FBN1: variants seen among roughly 807,000 people sequenced by gnomAD.
FBN1 encodes the protein fibrillin-1.
A neutral mutation model predicts 365.1 loss-of-function variants in FBN1; 29 were observed. The ratio of observed to expected loss-of-function variants is 0.08; its 90% CI spans 0.06 to 0.11. FBN1 has a LOEUF of 0.11. Ranked by LOEUF, FBN1 falls within the 10% of genes least tolerant of loss-of-function variation. The pLI, the probability that FBN1 is intolerant of heterozygous loss-of-function variation, is 1.00. For synonymous variants in FBN1, 1,210 were observed against 1,270.5 expected, an observed-to-expected ratio of 0.95 and a Z score of 1.01; for missense variants, 2,476 against 3,703.2, an observed-to-expected ratio of 0.67 and a Z score of 8.60.
intron 2 of FBN1, among the ~76,000 whole-genome samples, chr15:48,637,109 T>C (rs1362617120): frequency 6.6e-6 from 1 of 152,176 alleles, no homozygotes; most frequent in African/African-American, 2.4e-5. Context: ...TCAAGTACTG[T>C]CTGCATTAAC....
Position 48,515,377 on chromosome 15 carries a change from G to A in FBN1, c.1468+10C>T. ...AGACCCTTGGTGCCAACCTAGGATG[G>A]ATCACGTACCAATACACTCCCCACG... On this transcript the variant is annotated intron_variant, in intron 12 of 65. Transcript: ENST00000316623. 6.2e-7 allele frequency: 1 copy of A among 1,613,788 alleles called. No homozygotes were observed. Among genetic ancestry groups the A allele is most frequent in the Non-Finnish European group, 8.5e-7 (1 of 1,179,822 alleles).
chr15:48,425,696 A>C, intron 59 of FBN1, 43 bp downstream of exon 59: 1 of 1,606,094 alleles, frequency 6.2e-7, no homozygotes, highest in South Asian at 1.1e-5. Flanking sequence ...TCCATAATCT[A>C]AAATTTCCAC....
intron 19 of FBN1, among the ~76,000 whole-genome samples, chr15:48,496,627 A>G (rs1168930428): frequency 6.6e-6 from 1 of 152,206 alleles, no homozygotes; most frequent in Non-Finnish European, 1.5e-5. Context: ...ATATTTAGAA[A>G]GTATGGTCCA....
chr15:48,589,609 CTT>C (rs756647308), intron 6 of FBN1, among the ~76,000 whole-genome samples: 8 of 108,676 alleles, frequency 7.4e-5, no homozygotes, highest in Non-Finnish European at 1.1e-4. Flanking sequence ...TTGTTACTTT[CTT>C]TTTTTTTTTT....
At chr15:48,428,547 C>T (rs1269085679) in intron 56 of FBN1, 76 bp from the exon 57 acceptor site, 57 of 1,523,394 alleles carry the variant, frequency 3.7e-5, no homozygotes, top group Non-Finnish European at 4.8e-5. Flanking sequence ...CTCCTTCCTT[C>T]GTTCCTTCCT....
chr15:48,527,093 T>C (rs1597588008), intron 8 of FBN1, among the ~76,000 whole-genome samples: 2 of 152,208 alleles, frequency 1.3e-5, no homozygotes, highest in African/African-American at 4.8e-5. Flanking sequence ...AGGCTGTTGA[T>C]GGGCTGCACC....
chr15:48,499,037 C>T lies in FBN1; in HGVS notation c.2115G>A (p.Ala705=), dbSNP rs932764622. 23 of 1,613,970 alleles carry T rather than the reference C, an allele frequency of 1.4e-5. No individual in the cohort carries two copies. Among genetic ancestry groups the T allele is most frequent in the South Asian group, 3.3e-5 (3 of 91,086 alleles). ...PCQPCPAQNS[A]EYQALCSSGP... ...CACTGCTGCAGAGTGCCTGATATTC[C>T]GCTGCAATAAATTAACAGATAGTAA... Residue 705 remains alanine, a splice_region_variant and synonymous_variant, in exon 18 of 66, where the codon GCG becomes GCA. Transcript: ENST00000316623.
At chr15:48,560,064 C>T (rs535964356) in intron 6 of FBN1, among the ~76,000 whole-genome samples, 18 of 152,220 alleles carry the variant, frequency 1.2e-4, no homozygotes, top group East Asian at 5.8e-4. Context: ...CCACTAAAGG[C>T]GACTCAAATT....
chr15:48,482,733 G>A (rs187274719), intron 31 of FBN1, among the ~76,000 whole-genome samples: 127 of 152,298 alleles, frequency 8.3e-4, no homozygotes, highest in Non-Finnish European at 1.5e-3. Context: ...GTAGTGACCA[G>A]CACATTCATA....
intron 36 of FBN1, 110 bp downstream of exon 36, chr15:48,470,524 C>T (rs2043363287): frequency 6.9e-7 from 1 of 1,444,392 alleles, no homozygotes. Context: ...ATACTTCCCC[C>T]TTGCTTTTCT....
chr15:48,617,436 G>A (rs2140744390), intron 2 of FBN1, among the ~76,000 whole-genome samples: 1 of 152,240 alleles, frequency 6.6e-6, no homozygotes, highest in African/African-American at 2.4e-5. Flanking sequence ...GCCTCCCAAA[G>A]TGCTGGGATT....
intron 57 of FBN1, chr15:48,428,115 A>C (rs2042994606): frequency 1.5e-6 from 1 of 650,026 alleles, no homozygotes; most frequent in Admixed American, 2.6e-5. Flanking sequence ...AAGGCAGCCA[A>C]GAAATTCCAA....
chr15:48,570,075 G>A (rs2140670174), intron 6 of FBN1, among the ~76,000 whole-genome samples: 1 of 152,196 alleles, frequency 6.6e-6, no homozygotes, highest in Non-Finnish European at 1.5e-5. Flanking sequence ...TCTGTGGTCA[G>A]ATATTCTACT....
intron 6 of FBN1, among the ~76,000 whole-genome samples, chr15:48,539,664 A>G (rs1330802141): frequency 6.6e-6 from 1 of 152,160 alleles, no homozygotes; most frequent in Admixed American, 6.5e-5. Flanking sequence ...TGTGTGAGTG[A>G]TATCTACATG....
chr15:48,502,319 T>G (rs1244915884), intron 17 of FBN1, among the ~76,000 whole-genome samples: 3 of 152,360 alleles, frequency 2.0e-5, no homozygotes, highest in African/African-American at 7.2e-5. Context: ...GTGCTGGGAT[T>G]ACAGGTGTGA....
chr15:48,642,172 G>A (rs1273276535), intron 2 of FBN1: 1 of 152,262 alleles, frequency 6.6e-6, no homozygotes, highest in Non-Finnish European at 1.5e-5. Flanking sequence ...GAGGCCAAGA[G>A]TTTGAGACCA....
In FBN1 at chr15:48,496,309, A is replaced by G. The variant is rs1461147962; in HGVS notation, c.2294-84T>C. 9.0e-6 allele frequency: 14 copies of G among 1,559,520 alleles called. No individual in the cohort carries two copies. The African/African-American group carries it at 1.9e-4, about 21-fold the overall frequency. ...TTGCTCTTTTACATTAGATCTTTAA[A>G]GTCATAACGACGTGATCAATTCAAG... On this transcript the variant is annotated intron_variant, in intron 19 of 65. Transcript: ENST00000316623.
chr15:48,581,146 C>T (rs1412281858), intron 6 of FBN1, among the ~76,000 whole-genome samples: 2 of 152,114 alleles, frequency 1.3e-5, no homozygotes, highest in African/African-American at 2.4e-5. Context: ...ATGTATTGAC[C>T]ATCTACTCTG....
intron 6 of FBN1, among the ~76,000 whole-genome samples, chr15:48,577,244 A>G (rs568007485): frequency 1.3e-5 from 2 of 152,310 alleles, no homozygotes; most frequent in African/African-American, 4.8e-5. Context: ...AGGTCTAGCC[A>G]GTACCTCCTG....
Sources: gnomAD v4.1 joint callset for allele counts (sites outside exome capture counted in the v4.1 genomes callset) on GRCh38, gnomAD v4.1.1 for gene constraint, MANE v1.5 for transcripts, NCBI Gene and HGNC (gene_info 2026-07-23, HGNC 2026-07-21) for gene names.